The following GALNTL6 variants were observed in gnomAD, a reference collection of about 807,000 sequenced individuals.
GALNTL6 encodes the protein polypeptide N-acetylgalactosaminyltransferase like 6, also known as polypeptide N-acetylgalactosaminyltransferase-like 6.
GALNTL6 carries 46 observed loss-of-function variants against 73.7 expected under a neutral mutation model. The observed-to-expected ratio is 0.62, with a 90% CI of 0.49 to 0.80. The LOEUF (loss-of-function observed/expected upper bound fraction) is 0.80. Among genes scored for constraint, GALNTL6 ranks in the 30% least tolerant of loss-of-function variants. GALNTL6 has a pLI of 0.00. For synonymous variants in GALNTL6, 259 were observed against 263.7 expected, an observed-to-expected ratio of 0.98 and a Z score of 0.17; for missense variants, 604 against 755.0, an observed-to-expected ratio of 0.80 and a Z score of 2.34.
At chr4:172,341,279 G>A (rs1296957801) in intron 4 of GALNTL6, among the ~76,000 whole-genome samples, 8 of 150,688 alleles carry the variant, frequency 5.3e-5, no homozygotes, top group African/African-American at 1.7e-4. Context: ...GTGAAACCCC[G>A]TCTCTACTAA....
chr4:172,840,668 C>G (rs1283654354), intron 7 of GALNTL6, among the ~76,000 whole-genome samples: 2 of 152,186 alleles, frequency 1.3e-5, no homozygotes, highest in Non-Finnish European at 2.9e-5. Flanking sequence ...ACCATGTATA[C>G]AGAAATGCCA....
intron 5 of GALNTL6, among the ~76,000 whole-genome samples, chr4:172,441,306 A>G (rs191588340): frequency 5.8e-4 from 88 of 152,126 alleles, no homozygotes; most frequent in African/African-American, 1.7e-3. Context: ...AGTTATTATT[A>G]TTTCTGTAAA....
chr4:172,426,394 G>C (rs902348972), intron 5 of GALNTL6, among the ~76,000 whole-genome samples: 5 of 152,046 alleles, frequency 3.3e-5, no homozygotes. Flanking sequence ...CTCTGGCCAA[G>C]AACATTTAAC....
At chr4:172,800,213 T>C (rs7699074) in intron 5 of GALNTL6, among the ~76,000 whole-genome samples, 26,685 of 152,112 alleles carry the variant, frequency 0.18, 2,759 homozygotes, top group East Asian at 0.25. Flanking sequence ...TTAACACTAC[T>C]GAACACTTAA....
At chr4:172,140,338 T>C (rs111614983) in intron 2 of GALNTL6, among the ~76,000 whole-genome samples, 5 of 152,208 alleles carry the variant, frequency 3.3e-5, no homozygotes, top group African/African-American at 1.2e-4. Flanking sequence ...TGGTATTTTG[T>C]AAGACATCCA....
chr4:172,244,006 A>G (rs897780892), intron 3 of GALNTL6, among the ~76,000 whole-genome samples: 1 of 152,086 alleles, frequency 6.6e-6, no homozygotes, highest in East Asian at 1.9e-4. Flanking sequence ...TTTTATTACT[A>G]TCCACAATGT....
intron 2 of GALNTL6, among the ~76,000 whole-genome samples, chr4:172,059,193 T>C (rs768281988): frequency 4.3e-4 from 66 of 152,176 alleles, no homozygotes; most frequent in Admixed American, 1.9e-3. Flanking sequence ...TCGTTTACTA[T>C]GTGTTCTCTA....
At chr4:172,939,220 C>T (rs913563207) in intron 9 of GALNTL6, among the ~76,000 whole-genome samples, 5 of 152,052 alleles carry the variant, frequency 3.3e-5, no homozygotes, top group South Asian at 2.1e-4. Flanking sequence ...TACTTGAGCC[C>T]GGGAAGTCAA....
chr4:172,411,306 G>T (rs936299055), intron 5 of GALNTL6, among the ~76,000 whole-genome samples: 8 of 152,018 alleles, frequency 5.3e-5, no homozygotes, highest in African/African-American at 1.9e-4. Context: ...AAAAAAACAA[G>T]ATTAAATTAA....
At chr4:171,956,839 C>A (rs1164749643) in intron 2 of GALNTL6, among the ~76,000 whole-genome samples, 1 of 152,114 alleles carries the variant, frequency 6.6e-6, no homozygotes, top group Non-Finnish European at 1.5e-5. Flanking sequence ...TTATGTAGCT[C>A]TCTGTTCAAA....
At chr4:172,485,016 A>C (rs1254780487) in intron 5 of GALNTL6, among the ~76,000 whole-genome samples, 2 of 152,154 alleles carry the variant, frequency 1.3e-5, no homozygotes, top group African/African-American at 4.8e-5. Flanking sequence ...AGAAATATAG[A>C]ATTGATTTTA....
intron 5 of GALNTL6, among the ~76,000 whole-genome samples, chr4:172,532,565 A>G (rs1240263497): frequency 6.6e-6 from 1 of 152,192 alleles, no homozygotes; most frequent in Non-Finnish European, 1.5e-5. Flanking sequence ...TTCTCTATCA[A>G]TCATTCTTTT....
intron 10 of GALNTL6, among the ~76,000 whole-genome samples, chr4:172,961,005 G>A (rs1271287093): frequency 1.5e-5 from 2 of 135,072 alleles, no homozygotes; most frequent in Non-Finnish European, 3.2e-5. Flanking sequence ...GAAGGGGTTG[G>A]GGGGTTCTTG....
chr4:172,792,833 G>A (rs915889290), intron 5 of GALNTL6, among the ~76,000 whole-genome samples: 4 of 151,464 alleles, frequency 2.6e-5, no homozygotes, highest in Admixed American at 2.6e-4. Flanking sequence ...TCATTCCCAA[G>A]ACTACACCTT....
intron 4 of GALNTL6, among the ~76,000 whole-genome samples, chr4:172,333,591 T>C (rs1407589240): frequency 6.6e-6 from 1 of 152,192 alleles, no homozygotes; most frequent in Non-Finnish European, 1.5e-5. Flanking sequence ...GTTCTTTTAA[T>C]TTAACAGCCT....
chr4:172,091,241 G>A (rs1055977568), intron 2 of GALNTL6, among the ~76,000 whole-genome samples: 11 of 152,012 alleles, frequency 7.2e-5, no homozygotes, highest in Non-Finnish European at 4.4e-5. Context: ...TACAAGACTG[G>A]TGATTGTTCA....
Position 173,021,274 on chromosome 4 carries a change from G to A in GALNTL6, c.1489-202G>A, listed in dbSNP as rs57087528. Among the ~76,000 whole-genome samples the A allele has an allele frequency of 0.013, 1,975 of 152,140 alleles. 37 individuals carry two copies. The highest frequency in any genetic ancestry group is 0.043 in the African/African-American group (1,782 of 41,478). ...CTTCATTTGTGTTTTTTGGCAGCCT[G>A]GACCAAAAGTGCAGCTGTTACTGCT... On this transcript the variant is annotated intron_variant, in intron 11 of 12. Transcript: ENST00000506823.
intron 7 of GALNTL6, among the ~76,000 whole-genome samples, chr4:172,863,374 G>A (rs1001540337): frequency 2.0e-5 from 3 of 152,180 alleles, no homozygotes; most frequent in Non-Finnish European, 2.9e-5. Context: ...AGCCAGGAAG[G>A]GGGCTGTACC....
intron 2 of GALNTL6, among the ~76,000 whole-genome samples, chr4:172,194,063 C>A (rs1735672932): frequency 6.6e-6 from 1 of 152,008 alleles, no homozygotes. Flanking sequence ...TATGTTCTGA[C>A]CCAAAGCAAA....
Sources: gnomAD v4.1 joint callset for allele counts (sites outside exome capture counted in the v4.1 genomes callset) on GRCh38, gnomAD v4.1.1 for gene constraint, MANE v1.5 for transcripts, NCBI Gene and HGNC (gene_info 2026-07-23, HGNC 2026-07-21) for gene names.